DNAJB6: variants seen among roughly 807,000 people sequenced by gnomAD.
The protein encoded by DNAJB6 is DnaJ heat shock protein family (Hsp40) member B6, also known as dnaJ homolog subfamily B member 6.
DNAJB6 carries 16 observed loss-of-function variants against 42.7 expected under a neutral mutation model. That is an observed-to-expected ratio of 0.37 (90% CI 0.25 to 0.57). The LOEUF (loss-of-function observed/expected upper bound fraction) is 0.57. Ranked by LOEUF, DNAJB6 falls within the 20% of genes least tolerant of loss-of-function variation. DNAJB6 has a pLI of 0.74. For synonymous variants in DNAJB6, 170 were observed against 163.5 expected, an observed-to-expected ratio of 1.04 and a Z score of -0.30; for missense variants, 347 against 416.8, an observed-to-expected ratio of 0.83 and a Z score of 1.46.
chr7:157,387,180 G>C (rs1272923368), intron 8 of DNAJB6, among the ~76,000 whole-genome samples: 1 of 152,146 alleles, frequency 6.6e-6, no homozygotes, highest in African/African-American at 2.4e-5. Flanking sequence ...CTGAAAATAA[G>C]TAAAAAATAT....
chr7:157,374,443 G>GA (rs1800370530), intron 5 of DNAJB6, among the ~76,000 whole-genome samples: 1 of 152,062 alleles, frequency 6.6e-6, no homozygotes, highest in Non-Finnish European at 1.5e-5. Context: ...ATTTTTATGA[G>GA]AGACAGGGTT....
chr7:157,386,000 G>T (rs1034944898), intron 8 of DNAJB6: 5 of 995,178 alleles, frequency 5.0e-6, no homozygotes, highest in Non-Finnish European at 4.8e-6. Flanking sequence ...TGTGAGCCAC[G>T]TAGTGTCGGC....
At chr7:157,391,804 T>C (rs1206752919) in intron 8 of DNAJB6, among the ~76,000 whole-genome samples, 4 of 152,122 alleles carry the variant, frequency 2.6e-5, no homozygotes, top group African/African-American at 9.7e-5. Context: ...AACGTGTGCA[T>C]TGAAAATCGG....
intron 2 of DNAJB6, among the ~76,000 whole-genome samples, chr7:157,362,159 G>T (rs933156573): frequency 6.6e-6 from 1 of 152,162 alleles, no homozygotes; most frequent in African/African-American, 2.4e-5. Flanking sequence ...GTAGAAGTCA[G>T]TGTTTTAACT....
chr7:157,343,166 TTTTTTTTTTTTTAAG>T (rs1798506406), intron 1 of DNAJB6, among the ~76,000 whole-genome samples: 1 of 151,658 alleles, frequency 6.6e-6, no homozygotes, highest in Admixed American at 6.6e-5. Flanking sequence ...CAGGTAATTT[TTTTTTTTTTTTTAAG>T]ACAGAGTCTT....
At chr7:157,365,122 T>C (rs967336459) in intron 3 of DNAJB6, among the ~76,000 whole-genome samples, 1 of 152,130 alleles carries the variant, frequency 6.6e-6, no homozygotes, top group African/African-American at 2.4e-5. Context: ...CAGCTAACTT[T>C]TTTGTATTGT....
chr7:157,407,793 C>T (rs1014811931), intron 8 of DNAJB6, among the ~76,000 whole-genome samples: 2 of 152,258 alleles, frequency 1.3e-5, no homozygotes, highest in Non-Finnish European at 2.9e-5. Context: ...ATGTGTCCCG[C>T]TCTCTTGCCA....
chr7:157,403,138 T>G (rs1036962075), intron 8 of DNAJB6, among the ~76,000 whole-genome samples: 3 of 152,176 alleles, frequency 2.0e-5, no homozygotes, highest in Non-Finnish European at 4.4e-5. Context: ...TTCCGGGTCA[T>G]AGGTGGATAA....
At chr7:157,350,868 A>G (rs1022654091) in intron 1 of DNAJB6, among the ~76,000 whole-genome samples, 6 of 149,964 alleles carry the variant, frequency 4.0e-5, no homozygotes, top group South Asian at 2.1e-4. Flanking sequence ...AGAGACAACA[A>G]CTTTTTAATT....
chr7:157,352,284 G>A lies in DNAJB6; in HGVS notation c.-26-6263G>A, dbSNP rs146637133. Among the ~76,000 whole-genome samples the A allele has an allele frequency of 2.8e-3, 422 of 151,990 alleles. 2 individuals carry two copies. The highest frequency in any genetic ancestry group is 9.6e-3 in the African/African-American group (399 of 41,460). On this transcript the variant is annotated intron_variant, in intron 1 of 9. Transcript: ENST00000262177. ...TTGGAGGTTGCAGTGAGCCAAAATT[G>A]TGCTACTCTACTCTGGCGACAGAGC...
At chr7:157,356,638 G>A (rs566281215) in intron 1 of DNAJB6, among the ~76,000 whole-genome samples, 48 of 152,234 alleles carry the variant, frequency 3.2e-4, no homozygotes, top group Admixed American at 1.2e-3. Context: ...TATACCCTTA[G>A]GCACATTCTC....
intron 3 of DNAJB6, 93 bp from the exon 4 acceptor site, chr7:157,366,409 C>G (rs939243859): frequency 1.5e-5 from 18 of 1,199,238 alleles, no homozygotes; most frequent in Non-Finnish European, 2.2e-5. Flanking sequence ...TGTAAAACAT[C>G]GAAAACTGAT....
At chr7:157,372,855 C>A (rs1800284281) in intron 5 of DNAJB6, among the ~76,000 whole-genome samples, 1 of 152,172 alleles carries the variant, frequency 6.6e-6, no homozygotes, top group Admixed American at 6.5e-5. Flanking sequence ...AGGCCCTTCC[C>A]CAGCTGTTCT....
At chr7:157,367,816 G>A (rs926867695) in intron 5 of DNAJB6, among the ~76,000 whole-genome samples, 1 of 151,908 alleles carries the variant, frequency 6.6e-6, no homozygotes, top group African/African-American at 2.4e-5. Flanking sequence ...CTGAGATCAT[G>A]CCATTGCATT....
intron 5 of DNAJB6, chr7:157,379,913 G>C (rs972228762): frequency 6.7e-6 from 1 of 148,246 alleles, no homozygotes; most frequent in African/African-American, 2.5e-5. Flanking sequence ...CGGGGTTCAA[G>C]CAATTTTCGT....
chr7:157,367,284 A>G (rs896254966), intron 4 of DNAJB6, 89 bp from the exon 5 acceptor site: 3 of 893,356 alleles, frequency 3.4e-6, no homozygotes, highest in African/African-American at 1.7e-5. Context: ...TTATTAGTTC[A>G]TGATTTGTAT....
At chr7:157,347,793 T>G (rs183202100) in intron 1 of DNAJB6, among the ~76,000 whole-genome samples, 1 of 152,188 alleles carries the variant, frequency 6.6e-6, no homozygotes, top group African/African-American at 2.4e-5. Flanking sequence ...ATAAGAAGTT[T>G]GTTTATTTAT....
At chr7:157,346,339 T>C (rs944471689) in intron 1 of DNAJB6, among the ~76,000 whole-genome samples, 1 of 79,964 alleles carries the variant, frequency 1.3e-5, no homozygotes, top group East Asian at 4.8e-4. Flanking sequence ...AAAAAAAAAG[T>C]TAAAGATACA....
At chr7:157,344,748 G>C (rs1396193927) in intron 1 of DNAJB6, among the ~76,000 whole-genome samples, 1 of 152,066 alleles carries the variant, frequency 6.6e-6, no homozygotes, top group Admixed American at 6.6e-5. Flanking sequence ...CCAGTAGCTG[G>C]GACTACAGGT....
Sources: gnomAD v4.1 joint callset for allele counts (sites outside exome capture counted in the v4.1 genomes callset) on GRCh38, gnomAD v4.1.1 for gene constraint, MANE v1.5 for transcripts, NCBI Gene and HGNC (gene_info 2026-07-23, HGNC 2026-07-21) for gene names.